The following SULF1 variants were observed in gnomAD, a reference collection of about 807,000 sequenced individuals.
The protein encoded by SULF1 is extracellular sulfatase Sulf-1.
Under a neutral mutation model 110.5 loss-of-function variants are expected in SULF1, and 46 were observed. The observed-to-expected ratio is 0.42, with a 90% CI of 0.33 to 0.53. The LOEUF is 0.53. Ranked by LOEUF, SULF1 falls within the 20% of genes least tolerant of loss-of-function variation. SULF1 has a pLI of 0.12. For synonymous variants in SULF1, 371 were observed against 387.1 expected, an observed-to-expected ratio of 0.96 and a Z score of 0.49; for missense variants, 941 against 1,094.2, an observed-to-expected ratio of 0.86 and a Z score of 1.98.
intron 13 of SULF1, among the ~76,000 whole-genome samples, chr8:69,617,660 A>G (rs1809287318): frequency 1.3e-5 from 2 of 150,148 alleles, no homozygotes; most frequent in Non-Finnish European, 2.9e-5. Flanking sequence ...CCACAAACCC[A>G]GGCCTGGAAA....
chr8:69,625,808 T>A (rs1196526551), intron 15 of SULF1: 1 of 152,448 alleles, frequency 6.6e-6, no homozygotes, highest in East Asian at 1.9e-4. Context: ...TTGCCACTGC[T>A]GGCTCCGGCA....
intron 8 of SULF1, 55 bp downstream of exon 8, chr8:69,589,196 T>C (rs1392419214): frequency 4.6e-6 from 7 of 1,534,100 alleles, no homozygotes; most frequent in Non-Finnish European, 6.2e-6. Flanking sequence ...CCTTTTCTCC[T>C]CATCCCACTC....
intron 13 of SULF1, among the ~76,000 whole-genome samples, chr8:69,607,140 C>T (rs1170903407): frequency 3.9e-5 from 6 of 152,186 alleles, no homozygotes; most frequent in African/African-American, 1.4e-4. Context: ...CCTTCTGAAT[C>T]AGAACCCCTA....
Position 69,603,625 on chromosome 8 carries a change from A to G in SULF1, c.1216A>G (p.Ile406Val). ...NRFRTNKKAK[I>V]WRDTFLVERG... ...GTTTCGAACAAACAAGAAGGCCAAAATTTGGCGTGATACATTCCTAGTGGA... is the reference window on the plus strand; with the variant it reads ...GTTTCGAACAAACAAGAAGGCCAAAGTTTGGCGTGATACATTCCTAGTGGA... Residue 406 changes from isoleucine (I) to valine (V), a missense_variant, in exon 12 of 23, where the codon ATT becomes GTT. Transcript: ENST00000402687. 6.2e-7 allele frequency: 1 copy of G among 1,613,982 alleles called. No homozygotes were observed. Among genetic ancestry groups the G allele is most frequent in the Non-Finnish European group, 8.5e-7 (1 of 1,179,802 alleles).
At chr8:69,572,967 A>G (rs1271667097) in intron 5 of SULF1, among the ~76,000 whole-genome samples, 1 of 152,184 alleles carries the variant, frequency 6.6e-6, no homozygotes, top group Non-Finnish European at 1.5e-5. Flanking sequence ...AGCTGGGTCT[A>G]CAGGCGCATG....
chr8:69,612,047 T>A (rs1469835589), intron 13 of SULF1, among the ~76,000 whole-genome samples: 2 of 152,154 alleles, frequency 1.3e-5, no homozygotes, highest in African/African-American at 2.4e-5. Context: ...ATCATTCTTA[T>A]GCCTTTGCGT....
chr8:69,471,998 T>TGAGAGA (rs3059922), intron 1 of SULF1, among the ~76,000 whole-genome samples: 37,404 of 149,122 alleles, frequency 0.25, 4,681 homozygotes, highest in Non-Finnish European at 0.29. Context: ...GGAGAGAAAG[T>TGAGAGA]GAGAGAGAGA....
chr8:69,640,167 GAAAGAAAGAAAGAGA>G lies in SULF1; in HGVS notation c.2552-625_2552-611del, dbSNP rs200128869. On this transcript the variant is annotated intron_variant, in intron 21 of 22. Coordinates refer to ENST00000402687, the MANE Select transcript of SULF1 (RefSeq NM_001128205.2). ...GGAAGGAAAGAAAGAAAGAAAAAAA[GAAAGAAAGAAAGAGA>G]AAAGAAAGAAAGAGAGAGAGAGAGA... Among the ~76,000 whole-genome samples, 230 of 150,300 alleles carry G rather than the reference GAAAGAAAGAAAGAGA, an allele frequency of 1.5e-3. 1 individual carries two copies. In the East Asian group the frequency reaches 0.031, roughly 20 times the overall value.
chr8:69,494,296 AT>A (rs1294143001), intron 1 of SULF1, among the ~76,000 whole-genome samples: 2 of 152,192 alleles, frequency 1.3e-5, no homozygotes, highest in Admixed American at 1.3e-4. Context: ...AAATTCTTAC[AT>A]TTGTTGTATC....
At chr8:69,644,685 C>A (rs59371540) in intron 22 of SULF1, among the ~76,000 whole-genome samples, 6,621 of 150,050 alleles carry the variant, frequency 0.044, 496 homozygotes, top group African/African-American at 0.15. Flanking sequence ...GGCGTGAACC[C>A]GGGAGGCGGA....
At chr8:69,523,667 C>T (rs114922138) in intron 3 of SULF1, among the ~76,000 whole-genome samples, 1,763 of 151,870 alleles carry the variant, frequency 0.012, 39 homozygotes, top group African/African-American at 0.039. Context: ...TAATGACTGT[C>T]GGTGGAATTA....
intron 3 of SULF1, among the ~76,000 whole-genome samples, chr8:69,520,188 G>A (rs997748018): frequency 6.7e-6 from 1 of 149,918 alleles, no homozygotes; most frequent in African/African-American, 2.5e-5. Context: ...GTCAACACAG[G>A]GTTCACACAA....
intron 8 of SULF1, among the ~76,000 whole-genome samples, chr8:69,595,441 T>C (rs910622335): frequency 4.6e-5 from 7 of 152,362 alleles, no homozygotes; most frequent in Non-Finnish European, 8.8e-5. Context: ...CATTTGGTAT[T>C]ATCCTGCATA....
intron 8 of SULF1, among the ~76,000 whole-genome samples, chr8:69,592,542 C>A (rs904177909): frequency 1.3e-5 from 2 of 152,166 alleles, no homozygotes; most frequent in African/African-American, 4.8e-5. Flanking sequence ...GCTGCCCTCA[C>A]TGAGTGTAGG....
chr8:69,493,126 G>C lies in SULF1; in HGVS notation c.-391+1G>C, dbSNP rs1432211150. 1 of 152,644 alleles carries C rather than the reference G, an allele frequency of 6.6e-6. No individual in the cohort carries two copies. Among genetic ancestry groups the C allele is most frequent in the Non-Finnish European group, 1.5e-5 (1 of 68,048 alleles). The allele number at this position is 152,644 out of a possible 1,614,324, so 9.5% of individuals were successfully genotyped here. On this transcript the variant is annotated splice_donor_variant, in intron 1 of 22. Transcript: ENST00000402687. LOFTEE classifies it low-confidence loss of function (5UTR_SPLICE). ...AGAGAAGATTTTGAAGGCGGCTTTT[G>C]TAAGTATCGTGCTCTGCTTTTACTT...
At chr8:69,530,918 G>A (rs1813037918) in intron 3 of SULF1, among the ~76,000 whole-genome samples, 1 of 152,198 alleles carries the variant, frequency 6.6e-6, no homozygotes. Flanking sequence ...AGGTAAACAG[G>A]TACTTATTGA....
At chr8:69,638,394 G>A (rs1043924545) in intron 19 of SULF1, 108 bp from the exon 20 acceptor site, 32 of 1,267,406 alleles carry the variant, frequency 2.5e-5, no homozygotes, top group Non-Finnish European at 3.5e-5. Context: ...TTATAAGAAA[G>A]AAATTGTGAA....
chr8:69,533,408 C>G (rs1175531821), intron 3 of SULF1, among the ~76,000 whole-genome samples: 1 of 152,092 alleles, frequency 6.6e-6, no homozygotes, highest in Non-Finnish European at 1.5e-5. Context: ...TCCCTCCGTC[C>G]CCCTCCCCCA....
intron 1 of SULF1, among the ~76,000 whole-genome samples, chr8:69,484,464 A>C (rs1216733758): frequency 3.3e-5 from 5 of 152,216 alleles, no homozygotes; most frequent in Non-Finnish European, 7.3e-5. Flanking sequence ...AGTTGGCTCA[A>C]TTCACCAAAT....
Sources: allele counts gnomAD v4.1 joint callset (sites outside exome capture counted in the v4.1 genomes callset), GRCh38; gene constraint gnomAD v4.1.1; transcripts MANE v1.5; gene names NCBI Gene and HGNC (gene_info 2026-07-23, HGNC 2026-07-21).